The following SGCD variants were observed in gnomAD, a reference collection of about 807,000 sequenced individuals.
The protein encoded by SGCD is sarcoglycan delta, also known as delta-sarcoglycan.
In SGCD, 18 loss-of-function variants were observed where a neutral mutation model predicts 36.6. That is an observed-to-expected ratio of 0.49 (90% confidence interval 0.34 to 0.73). The LOEUF is 0.73. SGCD is among the 30% of genes least tolerant of loss of function. SGCD has a pLI of 0.01. For missense variants in SGCD, 387 were observed against 346.7 expected (o/e 1.12, Z -0.92); for synonymous variants, 133 against 130.6 (o/e 1.02, Z -0.12).
intron 4 of SGCD, among the ~76,000 whole-genome samples, chr5:156,566,088 T>TG: frequency 6.6e-6 from 1 of 152,038 alleles, no homozygotes; most frequent in Non-Finnish European, 1.5e-5. Flanking sequence ...CCAAGAAACA[T>TG]GAAAAAAAGC....
In SGCD at chr5:156,759,406, G is replaced by A. The variant is rs1296493735; in HGVS notation, c.*16G>A. The A allele has an allele frequency of 1.3e-6, 2 of 1,570,604 alleles. No homozygotes were observed. Among genetic ancestry groups the A allele is most frequent in the Admixed American group, 1.8e-5 (1 of 55,242 alleles). ...CTGCCTCTGAAAGACTATCCATAGT[G>A]GACATTGTTGGCAGCATAAAGGCCT... On this transcript the variant is annotated 3_prime_UTR_variant, in exon 9 of 9. Transcript: ENST00000337851.
At chr5:156,296,337 A>G (rs1172278680) in intron 3 of SGCD, among the ~76,000 whole-genome samples, 1 of 152,196 alleles carries the variant, frequency 6.6e-6, no homozygotes, top group Admixed American at 6.5e-5. Context: ...CCAATTCTTG[A>G]TTCTTGTATA....
In SGCD at chr5:156,268,732, A is replaced by G. The variant is rs556673979; in HGVS notation, c.-43-60802A>G. Among the ~76,000 whole-genome samples the G allele has an allele frequency of 4.4e-4, 67 of 152,270 alleles. 1 individual carries two copies. The South Asian group carries it at 0.013, about 30-fold the overall frequency. Reference sequence around the variant, plus strand: ...CTCAGCCTCCTGAGTAGCTGGGATTAGAGGCATGCGCCATCACGCCTGGCA... The same window carrying G: ...CTCAGCCTCCTGAGTAGCTGGGATTGGAGGCATGCGCCATCACGCCTGGCA... On this transcript the variant is annotated intron_variant, in intron 3 of 9. Coordinates refer to the SGCD transcript ENST00000517913.
intron 3 of SGCD, among the ~76,000 whole-genome samples, chr5:156,134,050 TATAAC>T (rs915431523): frequency 2.0e-5 from 3 of 152,098 alleles, no homozygotes; most frequent in Non-Finnish European, 4.4e-5. Context: ...ACTAAGCAAA[TATAAC>T]ATAGGTTAAA....
intron 3 of SGCD, among the ~76,000 whole-genome samples, chr5:156,158,120 T>G (rs1371210306): frequency 6.6e-6 from 1 of 151,412 alleles, no homozygotes; most frequent in African/African-American, 2.5e-5. Flanking sequence ...GAAAGGACTA[T>G]GCATTGAGTG....
intron 7 of SGCD, among the ~76,000 whole-genome samples, chr5:156,705,986 C>A (rs1244029402): frequency 6.6e-6 from 1 of 152,054 alleles, no homozygotes; most frequent in Admixed American, 6.6e-5. Flanking sequence ...TAATCATATT[C>A]AATTTTGTAA....
At chr5:156,686,379 T>C (rs1027298294) in intron 7 of SGCD, among the ~76,000 whole-genome samples, 4 of 152,222 alleles carry the variant, frequency 2.6e-5, no homozygotes, top group Non-Finnish European at 5.9e-5. Flanking sequence ...GTCAGGACTA[T>C]GGTAATCTGC....
the SGCD span, among the ~76,000 whole-genome samples, chr5:155,791,402 T>A: frequency 6.6e-6 from 1 of 152,066 alleles, no homozygotes; most frequent in Admixed American, 6.6e-5. Context: ...GTACTGGAAG[T>A]CCTAGCCTGA....
At chr5:156,197,144 A>T (rs754878182) in intron 3 of SGCD, among the ~76,000 whole-genome samples, 71 of 152,196 alleles carry the variant, frequency 4.7e-4, no homozygotes, top group Non-Finnish European at 9.4e-4. Context: ...AAATCTTCGC[A>T]TATATTCTTA....
chr5:156,600,333 A>G (rs1761140509), intron 6 of SGCD, among the ~76,000 whole-genome samples: 1 of 152,128 alleles, frequency 6.6e-6, no homozygotes, highest in Admixed American at 6.5e-5. Context: ...CTCCCAATTT[A>G]TGGTAACCAC....
rs1762239874 is a variant in SGCD, at chr5:156,128,705, T to C, written c.-44+4686T>C. On this transcript the variant is annotated intron_variant, in intron 3 of 9. Coordinates refer to the SGCD transcript ENST00000517913. ...GAGTGTTTGGCAGTTCCCCTCTCCC[T>C]CTCTCTCTCTTCTGCCAGCATGTAA... is the stretch of plus-strand genomic sequence containing the variant. 2.0e-5 allele frequency among the ~76,000 whole-genome samples: 3 copies of C among 151,654 alleles called. No individual in the cohort carries two copies. The South Asian group carries it at 6.2e-4, about 31-fold the overall frequency.
chr5:155,865,679 T>C (rs966479873), upstream of SGCD, among the ~76,000 whole-genome samples: 2 of 152,228 alleles, frequency 1.3e-5, no homozygotes, highest in Non-Finnish European at 2.9e-5. Context: ...CACTGAATTA[T>C]GTAGCTCTCC....
At chr5:156,081,696 G>A (rs1760957993) in intron 1 of SGCD, among the ~76,000 whole-genome samples, 1 of 152,148 alleles carries the variant, frequency 6.6e-6, no homozygotes, top group Admixed American at 6.5e-5. Flanking sequence ...GCCCAACCAT[G>A]TTCCCTTTTT....
the SGCD span, among the ~76,000 whole-genome samples, chr5:155,842,605 A>G: frequency 6.6e-6 from 1 of 152,098 alleles, no homozygotes; most frequent in Admixed American, 6.5e-5. Flanking sequence ...AAATAAAGTT[A>G]CTTTGAGCTC....
chr5:155,865,088 A>ATAGATAGG, the SGCD span, among the ~76,000 whole-genome samples: 2 of 138,010 alleles, frequency 1.4e-5, no homozygotes, highest in Non-Finnish European at 3.2e-5. Flanking sequence ...ATAGCCATAG[A>ATAGATAGG]TAGATAGATA....
intron 6 of SGCD, among the ~76,000 whole-genome samples, chr5:156,606,501 T>C (rs1255984381): frequency 3.3e-5 from 5 of 152,232 alleles, no homozygotes; most frequent in Admixed American, 6.5e-5. Flanking sequence ...CTTTGTTCTT[T>C]TAGCTTAGGA....
At chr5:156,175,853 A>G (rs1763453430) in intron 3 of SGCD, among the ~76,000 whole-genome samples, 2 of 132,908 alleles carry the variant, frequency 1.5e-5, no homozygotes. Context: ...ATACAAAATT[A>G]CGGTACCCTA....
intron 1 of SGCD, among the ~76,000 whole-genome samples, chr5:155,939,169 T>C (rs1238929864): frequency 6.6e-6 from 1 of 152,152 alleles, no homozygotes; most frequent in African/African-American, 2.4e-5. Context: ...TAACAATGGA[T>C]TGTATTCTTG....
rs74452780 is a variant in SGCD, at chr5:156,537,033, G to A, written c.294+28331G>A. On this transcript the variant is annotated intron_variant, in intron 4 of 8. Transcript: ENST00000337851. ...AATATTTAAGCTGACTTCCTCCCTC[G>A]TGAAGCATTTTCTGGGTTCTTTGGA... Among the ~76,000 whole-genome samples the A allele has an allele frequency of 2.9e-3, 436 of 152,186 alleles. 1 individual carries two copies. The Middle Eastern group carries it at 0.037, about 13-fold the overall frequency.
Sources: gnomAD v4.1 joint callset for allele counts (sites outside exome capture counted in the v4.1 genomes callset) on GRCh38, gnomAD v4.1.1 for gene constraint, MANE v1.5 for transcripts, NCBI Gene and HGNC (gene_info 2026-07-23, HGNC 2026-07-21) for gene names.